ELMO1: variants seen among roughly 807,000 people sequenced by gnomAD.
ELMO1 encodes engulfment and cell motility 1.
In ELMO1, 26 loss-of-function variants were observed where a neutral mutation model predicts 98.9. The observed-to-expected ratio is 0.26, with a 90% confidence interval of 0.19 to 0.36. The LOEUF (loss-of-function observed/expected upper bound fraction) is 0.36. Among genes scored for constraint, ELMO1 ranks in the 10% least tolerant of loss-of-function variants. The probability of loss-of-function intolerance (pLI) is 1.00; values close to 1 mark genes in which losing one functional copy is unlikely to be tolerated. For missense variants in ELMO1, 627 were observed against 935.2 expected, an observed-to-expected ratio of 0.67 and a Z score of 4.30; for synonymous variants, 346 against 346.0, an observed-to-expected ratio of 1.00 and a Z score of 0.00.
At position 36,983,175 on chromosome 7, in the gene ELMO1, G is replaced by A. The variant is rs144497676; in HGVS notation, c.1437+30124C>T. ...GTCACCTCTCCCAGATGGCCCAGAA[G>A]GAACTGGTCTCCTAGGTAAATTGAC... On this transcript the variant is annotated intron_variant, in intron 16 of 21. Coordinates refer to ENST00000310758, the MANE Select transcript of ELMO1 (RefSeq NM_014800.11). Among the ~76,000 whole-genome samples, 765 of 152,338 alleles carry A rather than the reference G, an allele frequency of 5.0e-3. 7 individuals carry two copies. The highest frequency in any genetic ancestry group is 0.03 in the South Asian group (144 of 4,824).
chr7:37,067,993 C>G (rs1317596589), intron 15 of ELMO1, among the ~76,000 whole-genome samples: 1 of 152,116 alleles, frequency 6.6e-6, no homozygotes, highest in Non-Finnish European at 1.5e-5. Flanking sequence ...GTACTCAGAA[C>G]ATTTGCATTT....
chr7:37,065,691 A>G (rs1284332461), intron 15 of ELMO1, among the ~76,000 whole-genome samples: 2 of 152,324 alleles, frequency 1.3e-5, no homozygotes, highest in African/African-American at 4.8e-5. Context: ...TTTTCTCTGC[A>G]TAGGTTTTCT....
intron 16 of ELMO1, among the ~76,000 whole-genome samples, chr7:36,988,083 GTA>G (rs1055740100): frequency 1.3e-5 from 2 of 152,176 alleles, no homozygotes; most frequent in African/African-American, 4.8e-5. Flanking sequence ...TGTTGGATTT[GTA>G]CCTTCAAGAA....
At chr7:37,390,127 A>G in intron 1 of ELMO1, among the ~76,000 whole-genome samples, 1 of 152,216 alleles carries the variant, frequency 6.6e-6, no homozygotes. Flanking sequence ...CCATGGACGT[A>G]AAAATGCAGA....
At chr7:36,865,881 T>C (rs1023227504) in intron 20 of ELMO1, among the ~76,000 whole-genome samples, 6 of 152,196 alleles carry the variant, frequency 3.9e-5, no homozygotes, top group African/African-American at 1.4e-4. Context: ...AATGAATGAA[T>C]GGATGATGAA....
intron 15 of ELMO1, among the ~76,000 whole-genome samples, chr7:37,052,396 A>G (rs1436379178): frequency 2.0e-5 from 3 of 152,212 alleles, no homozygotes; most frequent in African/African-American, 7.2e-5. Flanking sequence ...TGTATTAGAG[A>G]AATAAAAAAC....
chr7:37,085,949 T>C (rs1783744182), intron 15 of ELMO1, among the ~76,000 whole-genome samples: 1 of 152,228 alleles, frequency 6.6e-6, no homozygotes, highest in Admixed American at 6.5e-5. Flanking sequence ...CCACTAGCAT[T>C]GGAAAAGACC....
chr7:37,153,143 T>A (rs1788476909), intron 13 of ELMO1, among the ~76,000 whole-genome samples: 1 of 152,166 alleles, frequency 6.6e-6, no homozygotes, highest in Admixed American at 6.5e-5. Flanking sequence ...GAAAAATGAC[T>A]TTAAGAATAG....
chr7:37,318,356 T>C (rs1436786557), intron 2 of ELMO1, among the ~76,000 whole-genome samples: 2 of 152,114 alleles, frequency 1.3e-5, no homozygotes, highest in Non-Finnish European at 2.9e-5. Flanking sequence ...AAATGAAACA[T>C]AAATAACGGA....
intron 5 of ELMO1, among the ~76,000 whole-genome samples, chr7:37,259,559 A>G (rs1795873724): frequency 6.6e-6 from 1 of 152,220 alleles, no homozygotes; most frequent in Non-Finnish European, 1.5e-5. Context: ...CACAACAGGA[A>G]GCAGTTGCAT....
chr7:36,929,823 CT>C lies in ELMO1; in HGVS notation c.1438-34807del, dbSNP rs1264144751. Among the ~76,000 whole-genome samples, 8 of 152,306 alleles carry C rather than the reference CT, an allele frequency of 5.3e-5. No homozygotes were observed. The South Asian group carries it at 1.0e-3, about 20-fold the overall frequency. On this transcript the variant is annotated intron_variant, in intron 16 of 21. Coordinates refer to ENST00000310758, the MANE Select transcript of ELMO1 (RefSeq NM_014800.11). ...AAACCATTACTCCCAAGTGAGTCCCCTGGAAACAAGCCAGAGCTTGTCCGGT... is the reference window on the plus strand; with the variant it reads ...AAACCATTACTCCCAAGTGAGTCCCCGGAAACAAGCCAGAGCTTGTCCGGT...
chr7:37,064,500 T>C (rs929195316), intron 15 of ELMO1, among the ~76,000 whole-genome samples: 3 of 152,208 alleles, frequency 2.0e-5, no homozygotes, highest in African/African-American at 7.2e-5. Flanking sequence ...GTGCCTCGGA[T>C]TCCTCATCTA....
chr7:37,176,339 A>C (rs563108891), intron 13 of ELMO1, among the ~76,000 whole-genome samples: 1 of 152,374 alleles, frequency 6.6e-6, no homozygotes, highest in East Asian at 1.9e-4. Context: ...CTTTCTTATA[A>C]ATGACAATGT....
At chr7:37,375,364 T>C (rs76698474) in intron 1 of ELMO1, among the ~76,000 whole-genome samples, 248 of 152,290 alleles carry the variant, frequency 1.6e-3, no homozygotes, top group African/African-American at 5.4e-3. Flanking sequence ...AACAGCTGGT[T>C]ATCACTTACC....
chr7:37,429,078 A>G (rs1412853200), intron 1 of ELMO1, among the ~76,000 whole-genome samples: 3 of 152,134 alleles, frequency 2.0e-5, no homozygotes. Flanking sequence ...TGGGCAAGGG[A>G]GGAGGTATGG....
At chr7:37,416,779 A>C (rs533949514) in intron 1 of ELMO1, among the ~76,000 whole-genome samples, 1 of 152,254 alleles carries the variant, frequency 6.6e-6, no homozygotes, top group Non-Finnish European at 1.5e-5. Context: ...AGAGTAGCAT[A>C]AGAGATTTTA....
At chr7:37,316,099 CTT>C in intron 2 of ELMO1, 139 bp from the exon 3 acceptor site, 1 of 685,860 alleles carries the variant, frequency 1.5e-6, no homozygotes, top group Non-Finnish European at 2.4e-6. Flanking sequence ...CAATGAGTCT[CTT>C]ATTTTTCTCA....
At chr7:36,979,840 T>C (rs1025448306) in intron 16 of ELMO1, among the ~76,000 whole-genome samples, 1 of 152,216 alleles carries the variant, frequency 6.6e-6, no homozygotes, top group African/African-American at 2.4e-5. Flanking sequence ...CAGCCCTGAC[T>C]TGGGCTACCA....
At chr7:37,340,469 G>A (rs578063186) in intron 2 of ELMO1, among the ~76,000 whole-genome samples, 21 of 152,306 alleles carry the variant, frequency 1.4e-4, no homozygotes, top group African/African-American at 4.6e-4. Flanking sequence ...TGTCCAAAAC[G>A]GAAGGAGACT....
Sources: gnomAD v4.1 joint callset for allele counts (sites outside exome capture counted in the v4.1 genomes callset) on GRCh38, gnomAD v4.1.1 for gene constraint, MANE v1.5 for transcripts, NCBI Gene and HGNC (gene_info 2026-07-23, HGNC 2026-07-21) for gene names.